ARHGEF1: variants seen among roughly 807,000 people sequenced by gnomAD.
ARHGEF1 encodes Rho guanine nucleotide exchange factor 1.
In ARHGEF1, 40 loss-of-function variants were observed where a neutral mutation model predicts 119.7. The ratio of observed to expected loss-of-function variants is 0.33; its 90% CI spans 0.26 to 0.44. The LOEUF is 0.44. Ranked by LOEUF, ARHGEF1 falls within the 20% of genes least tolerant of loss-of-function variation. ARHGEF1 has a pLI of 1.00. For synonymous variants in ARHGEF1, 494 were observed against 521.0 expected (o/e 0.95, Z 0.71); for missense variants, 976 against 1,268.3 (o/e 0.77, Z 3.50).
At chr19:41,920,167 T>TCA (rs143191386), upstream of ARHGEF1, among the ~76,000 whole-genome samples, 23,714 of 101,782 alleles carry the variant, frequency 0.23, 5,659 homozygotes, top group African/African-American at 0.63. Context: ...CATGATGCAC[T>TCA]CAGACATGAC....
intron 1 of ARHGEF1, among the ~76,000 whole-genome samples, chr19:41,925,490 G>T (rs997554123): frequency 6.6e-6 from 1 of 152,158 alleles, no homozygotes; most frequent in Non-Finnish European, 1.5e-5. Flanking sequence ...GAGAGGCAAA[G>T]ACAGTGCAAG....
In ARHGEF1 at chr19:41,888,133, C is replaced by G. The variant is rs41307029; in HGVS notation, c.24+27C>G. 11,604 of 1,613,952 alleles carry G rather than the reference C, an allele frequency of 7.2e-3. 493 individuals carry two copies. In the African/African-American group the frequency reaches 0.11, roughly 15 times the overall value. On this transcript the variant is annotated intron_variant, in intron 2 of 28. Transcript: ENST00000354532. The surrounding 1 kb of genome is among the most constrained non-coding windows in gnomAD (Gnocchi z 5.1). ...TGAGTGGACAGAGCAAGGGGTGAGG[C>G]GACTCTGGGGCTGTGGGTGGAGAGT...
intron 18 of ARHGEF1, among the ~76,000 whole-genome samples, chr19:41,918,036 G>C (rs2074812521): frequency 6.6e-6 from 1 of 151,894 alleles, no homozygotes; most frequent in African/African-American, 2.4e-5. Context: ...CCCTGTGCCT[G>C]TCTTGGAGAG....
chr19:41,905,735 G>A lies in ARHGEF1; in HGVS notation c.2337-25G>A, dbSNP rs1555850024. The stretch of plus-strand genomic sequence containing the variant: ...GGCCCCCCAGGGCCAGGGGTGTGGG[G>A]TCACCCAGCACTTCCTCCCCTCAGC... On this transcript the variant is annotated intron_variant, in intron 24 of 28. Transcript: ENST00000354532. The surrounding 1 kb of genome is among the most constrained non-coding windows in gnomAD (Gnocchi z 6.4). 3 of 1,613,338 alleles carry A rather than the reference G, an allele frequency of 1.9e-6. No individual in the cohort carries two copies. Among genetic ancestry groups the A allele is most frequent in the South Asian group, 1.1e-5 (1 of 91,064 alleles).
chr19:41,923,983 G>A, intron 1 of ARHGEF1, among the ~76,000 whole-genome samples: 1 of 112,824 alleles, frequency 8.9e-6, no homozygotes, highest in African/African-American at 3.5e-5. Context: ...GGGTGCGCTG[G>A]GAGGGGGCTG....
At chr19:41,884,338 G>A (rs2074260779) in intron 1 of ARHGEF1, 4 of 1,365,232 alleles carry the variant, frequency 2.9e-6, no homozygotes, top group Non-Finnish European at 3.0e-6. Context: ...GGCAGGAGCC[G>A]GGCTAGAGCG....
intron 14 of ARHGEF1, among the ~76,000 whole-genome samples, chr19:41,901,161 G>GT (rs1284991537): frequency 2.0e-5 from 3 of 150,308 alleles, no homozygotes; most frequent in Admixed American, 6.6e-5. Flanking sequence ...GTTTTGTTTT[G>GT]TTTTTTTGAG....
downstream of ARHGEF1, chr19:41,908,072 C>CG (rs1198809168): frequency 2.2e-5 from 11 of 497,282 alleles, no homozygotes; most frequent in African/African-American, 1.6e-4. This position sits in a 1 kb window ranked among gnomAD's most constrained non-coding sequence, Gnocchi z 6.7. Context: ...AAGTGAGACC[C>CG]CCCCCACTCT....
intron 1 of ARHGEF1, among the ~76,000 whole-genome samples, chr19:41,885,787 CTG>C (rs2074285968): frequency 6.7e-6 from 1 of 149,308 alleles, no homozygotes; most frequent in South Asian, 2.1e-4. Flanking sequence ...AGGTCTCACT[CTG>C]TCGCCCAGGC....
rs2074705229 is a variant in ARHGEF1, at chr19:41,906,762, T to C, written c.2715T>C (p.Ser905=). 2 of 1,611,574 alleles carry C rather than the reference T, an allele frequency of 1.2e-6. No homozygotes were observed. The highest frequency in any genetic ancestry group is 1.7e-6 in the Non-Finnish European group (2 of 1,179,034). Residue 905 remains serine (S), a synonymous_variant, in exon 28 of 29, where the codon TCT becomes TCC. Transcript: ENST00000354532. The surrounding 1 kb of genome is among the most constrained non-coding windows in gnomAD (Gnocchi z 4.5). ...RPLLSQLGGN[S]VPQPGCT ...TCCTGTCTCAGCTTGGGGGGAACTC[T>C]GTCCCCCAGCCTGGCTGCACTTGAG... is the stretch of plus-strand genomic sequence containing the variant.
Position 41,903,580 on chromosome 19 carries a change from G to A in ARHGEF1, c.1840-127G>A. On this transcript the variant is annotated intron_variant, in intron 19 of 28. Transcript: ENST00000354532. The surrounding 1 kb of genome is among the most constrained non-coding windows in gnomAD (Gnocchi z 4.2). Reference sequence around the variant, plus strand: ...GCATCTCCCTCTCAGGGTCATTGGAGGTCAGGCCCAACCCTCAGCTTGCCC... The same window carrying A: ...GCATCTCCCTCTCAGGGTCATTGGAAGTCAGGCCCAACCCTCAGCTTGCCC... The A allele has an allele frequency of 8.7e-7, 1 of 1,150,824 alleles. No homozygotes were observed. Among genetic ancestry groups the A allele is most frequent in the Non-Finnish European group, 1.3e-6 (1 of 796,274 alleles). The allele number at this position is 1,150,824 out of a possible 1,614,324, so 71.3% of individuals were successfully genotyped here.
intron 13 of ARHGEF1, chr19:41,897,996 G>A (rs565396413): frequency 9.1e-6 from 12 of 1,325,140 alleles, no homozygotes; most frequent in African/African-American, 4.6e-5. Flanking sequence ...AGTGACCGCC[G>A]CCGGCCTTCC....
rs1242767059 is a variant in ARHGEF1, at chr19:41,892,980, T to C, written c.614+131T>C. The C allele has an allele frequency of 7.6e-7, 1 of 1,317,046 alleles. No homozygotes were observed. The highest frequency in any genetic ancestry group is 1.0e-6 in the Non-Finnish European group (1 of 995,840). The allele number at this position is 1,317,046 out of a possible 1,614,324, so 81.6% of individuals were successfully genotyped here. A position where few individuals can be genotyped will look rare whatever the true frequency, so the allele number is the denominator to read the frequency against. On this transcript the variant is annotated intron_variant, in intron 7 of 28. Coordinates refer to ENST00000354532, the MANE Select transcript of ARHGEF1 (RefSeq NM_004706.4). This position sits in a 1 kb window ranked among gnomAD's most constrained non-coding sequence, Gnocchi z 6.3. ...AGAGTTCATTTCTTGGCACTGGGGG[T>C]CTTCCTCTACCCTGGTGTTTTAACT...
At chr19:41,925,867 G>A (rs370824448) in intron 1 of ARHGEF1, among the ~76,000 whole-genome samples, 3 of 152,202 alleles carry the variant, frequency 2.0e-5, no homozygotes, top group African/African-American at 2.4e-5. Context: ...ACACTGTCAC[G>A]GAGGAGGATG....
At chr19:41,891,195 CT>C (rs1600648856) in intron 4 of ARHGEF1, among the ~76,000 whole-genome samples, 1 of 152,204 alleles carries the variant, frequency 6.6e-6, no homozygotes, top group African/African-American at 2.4e-5. Context: ...TGCTCACAGT[CT>C]TTCCAGGCAG....
Position 41,889,475 on chromosome 19 carries a change from G to C in ARHGEF1, c.225+610G>C, listed in dbSNP as rs782554038. On this transcript the variant is annotated intron_variant, in intron 4 of 28. Transcript: ENST00000354532. The surrounding 1 kb of genome is among the most constrained non-coding windows in gnomAD (Gnocchi z 4.0). ...ACAACCGTGCCATCCAGAAACACCCGCAGAGTCTAGAAAACCCAGCAGGTG... is the reference window on the plus strand; with the variant it reads ...ACAACCGTGCCATCCAGAAACACCCCCAGAGTCTAGAAAACCCAGCAGGTG... The C allele has an allele frequency of 6.6e-6, 1 of 152,256 alleles. No homozygotes were observed. 9.4% of individuals were successfully genotyped at this position (152,256 alleles called of 1,614,324 possible).
rs545732469 is a variant in ARHGEF1 at position 41,917,585 on chromosome 19, C to T, written c.1866-5507C>T. ...GGGCTCTGTCTAAAGAGGAGAGAGA[C>T]GCGGCCTAAGACCCTTCTGCCACCG... On this transcript the variant is annotated intron_variant, in intron 18 of 20. Transcript: ENST00000599589. This position sits in a 1 kb window ranked among gnomAD's most constrained non-coding sequence, Gnocchi z 4.8. Among the ~76,000 whole-genome samples the T allele has an allele frequency of 8.6e-4, 130 of 151,658 alleles. 1 individual carries two copies. The highest frequency in any genetic ancestry group is 2.8e-3 in the African/African-American group (117 of 41,290).
At chr19:41,926,720 G>T (rs2074873259) in intron 1 of ARHGEF1, among the ~76,000 whole-genome samples, 1 of 152,126 alleles carries the variant, frequency 6.6e-6, no homozygotes, top group Non-Finnish European at 1.5e-5. Flanking sequence ...CCGGGAGGGG[G>T]GAGCGGGCGG....
chr19:41,921,206 C>T (rs907046317), upstream of ARHGEF1, among the ~76,000 whole-genome samples: 45 of 151,994 alleles, frequency 3.0e-4, no homozygotes, highest in Admixed American at 2.6e-4. This position sits in a 1 kb window ranked among gnomAD's most constrained non-coding sequence, Gnocchi z 4.4. Flanking sequence ...TCGTGGACCC[C>T]GCCTCCCCTC....
Sources: allele counts gnomAD v4.1 joint callset (sites outside exome capture counted in the v4.1 genomes callset), GRCh38; gene constraint gnomAD v4.1.1; non-coding constraint Gnocchi (gnomAD v3.1); transcripts MANE v1.5; gene names NCBI Gene and HGNC (gene_info 2026-07-23, HGNC 2026-07-21).